LAMA4: variants seen among roughly 807,000 people sequenced by gnomAD.
LAMA4 encodes laminin subunit alpha-4.
In LAMA4, 127 loss-of-function variants were observed where a neutral mutation model predicts 207.1. That is an observed-to-expected ratio of 0.61 (90% CI 0.53 to 0.71). The LOEUF (loss-of-function observed/expected upper bound fraction) is 0.71, where lower values mean the gene tolerates loss of function less well. Among genes scored for constraint, LAMA4 ranks in the 30% least tolerant of loss-of-function variants. The probability of loss-of-function intolerance (pLI) is 0.00; values close to 1 mark genes in which losing one functional copy is unlikely to be tolerated. For synonymous variants in LAMA4, 761 were observed against 816.0 expected (o/e 0.93, Z 1.15); for missense variants, 2,093 against 2,246.5 (o/e 0.93, Z 1.38).
chr6:112,187,656 C>A, intron 7 of LAMA4, 55 bp from the exon 8 acceptor site: 1 of 1,558,308 alleles, frequency 6.4e-7, no homozygotes, highest in Admixed American at 1.8e-5. Context: ...TAAAGGCAGG[C>A]CGTTTTAGCA....
chr6:112,158,555 A>G (rs1554337513), intron 14 of LAMA4, among the ~76,000 whole-genome samples, 177 bp downstream of exon 14: 1 of 151,822 alleles, frequency 6.6e-6, no homozygotes, highest in African/African-American at 2.4e-5. Context: ...CAACCAACCA[A>G]CCAACCAACC....
At chr6:112,216,130 G>C (rs1247886728) in intron 3 of LAMA4, among the ~76,000 whole-genome samples, 5 of 152,244 alleles carry the variant, frequency 3.3e-5, no homozygotes, top group African/African-American at 7.2e-5. Flanking sequence ...CAGCTGCTGA[G>C]GGTGGTGGGG....
Position 112,115,402 on chromosome 6 carries a change from A to C in LAMA4, c.5112+461T>G, listed in dbSNP as rs144589730. Reference sequence around the variant, plus strand: ...CATGAATATTCTTTAGTAGTATCTTAGGATGAAAGTGGCATTACAACATAA... The same window carrying C: ...CATGAATATTCTTTAGTAGTATCTTCGGATGAAAGTGGCATTACAACATAA... On this transcript the variant is annotated intron_variant, in intron 36 of 38. Transcript: ENST00000230538. Among the ~76,000 whole-genome samples the C allele has an allele frequency of 3.1e-3, 467 of 152,314 alleles. 2 individuals are homozygous for C. Among genetic ancestry groups the C allele is most frequent in the African/African-American group, 0.011 (444 of 41,582 alleles).
intron 14 of LAMA4, among the ~76,000 whole-genome samples, chr6:112,156,466 G>A (rs1554336983): frequency 1.3e-5 from 2 of 152,058 alleles, no homozygotes; most frequent in Admixed American, 6.5e-5. Flanking sequence ...TCCTGAATTG[G>A]GATTTTAAAA....
In LAMA4 at chr6:112,117,701, C is replaced by A. The variant is rs200541645; in HGVS notation, c.4981+38G>T. 2.0e-5 allele frequency: 32 copies of A among 1,582,322 alleles called. No individual in the cohort carries two copies. The East Asian group carries it at 7.3e-4, about 36-fold the overall frequency. On this transcript the variant is annotated intron_variant, in intron 35 of 38. Transcript: ENST00000230538. The surrounding 1 kb of genome is among the most constrained non-coding windows in gnomAD (Gnocchi z 4.5). ...CCTGTTAGCCATCTCCAGGAAGAAG[C>A]ATTTCATGACTCATATTTTTAACAT...
rs1554329631 is a variant in LAMA4 at position 112,131,088 on chromosome 6, G to A, written c.3848C>T (p.Ser1283Phe). The change falls in exon 29 of 39, where the codon TCC (serine) becomes TTC (phenylalanine). Residue 1283 changes from serine to phenylalanine, a missense_variant. Coordinates refer to ENST00000230538, the MANE Select transcript of LAMA4 (RefSeq NM_001105206.3). ...FYYASGSDVF[S>F]ISLDNGTVIM... is the part of the protein sequence containing the mutation. ...GACAGTACCATTATCCAGTGAGATG[G>A]AGAACACGTCTGACTGAAATGCAAG... 6.2e-7 allele frequency: 1 copy of A among 1,612,896 alleles called. No individual in the cohort carries two copies. Among genetic ancestry groups the A allele is most frequent in the African/African-American group, 1.3e-5 (1 of 74,862 alleles).
chr6:112,238,993 T>C (rs1389787295), intron 2 of LAMA4, among the ~76,000 whole-genome samples: 1 of 152,134 alleles, frequency 6.6e-6, no homozygotes, highest in Non-Finnish European at 1.5e-5. Context: ...TATTTGGAGA[T>C]AGTGCCTATA....
At chr6:112,208,149 G>A (rs911105465) in intron 3 of LAMA4, among the ~76,000 whole-genome samples, 2 of 151,514 alleles carry the variant, frequency 1.3e-5, no homozygotes, top group African/African-American at 4.9e-5. Flanking sequence ...GTTGAATTGG[G>A]GTTGCAGTGA....
chr6:112,118,725 G>GTC lies in LAMA4; in HGVS notation c.4821+430_4821+431insGA, dbSNP rs1348223464. 3.3e-5 allele frequency among the ~76,000 whole-genome samples: 5 copies of GTC among 150,178 alleles called. No individual in the cohort carries two copies. The highest frequency in any genetic ancestry group is 7.4e-5 in the Non-Finnish European group (5 of 67,486). On this transcript the variant is annotated intron_variant, in intron 34 of 38. Coordinates refer to ENST00000230538, the MANE Select transcript of LAMA4 (RefSeq NM_001105206.3). The surrounding 1 kb of genome is among the most constrained non-coding windows in gnomAD (Gnocchi z 4.6). Reference sequence around the variant, plus strand: ...AAATTGTGTGTGTGTGTGTGTATGTGTGTGTGTGTGTGTGTGTGTGTAAGA... The same window carrying GTC: ...AAATTGTGTGTGTGTGTGTGTATGTGTCTGTGTGTGTGTGTGTGTGTGTAAGA...
At chr6:112,227,559 G>T (rs1554362938) in intron 2 of LAMA4, among the ~76,000 whole-genome samples, 1 of 152,188 alleles carries the variant, frequency 6.6e-6, no homozygotes, top group Non-Finnish European at 1.5e-5. Context: ...TCTCTAGGAA[G>T]TGACTAATGT....
chr6:112,142,390 C>G, intron 19 of LAMA4, 98 bp from the exon 20 acceptor site: 3 of 1,048,780 alleles, frequency 2.9e-6, no homozygotes, highest in Non-Finnish European at 4.5e-6. Context: ...TATAAACTCT[C>G]TTCACCTCCA....
At chr6:112,158,510 G>T (rs1489859914) in intron 14 of LAMA4, among the ~76,000 whole-genome samples, 3 of 151,722 alleles carry the variant, frequency 2.0e-5, no homozygotes, top group Non-Finnish European at 4.4e-5. Flanking sequence ...CCAAACAATT[G>T]CAATGAACAA....
rs3833961 is a variant in LAMA4 at position 112,158,540 on chromosome 6, A to ACAAC, written c.1817+188_1817+191dup. 0.27 allele frequency among the ~76,000 whole-genome samples: 40,625 copies of ACAAC among 151,410 alleles called. 5,495 individuals are homozygous for ACAAC. Among genetic ancestry groups the ACAAC allele is most frequent in the East Asian group, 0.33 (1,706 of 5,124 alleles). On this transcript the variant is annotated intron_variant, in intron 14 of 38. Coordinates refer to ENST00000230538, the MANE Select transcript of LAMA4 (RefSeq NM_001105206.3). ...GAACAATGATGGACTCTCAGATGGAACAACCAACCAACCAACCAACCAACC... is the reference window on the plus strand; with the variant it reads ...GAACAATGATGGACTCTCAGATGGAACAACCAACCAACCAACCAACCAACCAACC...
chr6:112,231,355 T>C (rs1160712427), intron 2 of LAMA4, among the ~76,000 whole-genome samples: 4 of 152,194 alleles, frequency 2.6e-5, no homozygotes, highest in Non-Finnish European at 5.9e-5. Context: ...TGAGTCCATA[T>C]GGACACCCAG....
At chr6:112,175,685 C>A (rs185225209) in intron 10 of LAMA4, among the ~76,000 whole-genome samples, 5 of 152,198 alleles carry the variant, frequency 3.3e-5, no homozygotes, top group Admixed American at 3.3e-4. Context: ...GAGAAAGACA[C>A]GAGGAAACCA....
chr6:112,114,873 G>T, intron 36 of LAMA4, 117 bp from the exon 37 acceptor site: 1 of 789,240 alleles, frequency 1.3e-6, no homozygotes, highest in Non-Finnish European at 2.2e-6. Context: ...CACATGATTA[G>T]CTTTGCAATT....
rs782578024 is a variant in LAMA4, at chr6:112,148,508, G to A, written c.2174-172C>T. On this transcript the variant is annotated intron_variant, in intron 17 of 38. Transcript: ENST00000230538. ...CACCGAAAACATTTCCAAATTAAGA[G>A]GTAAATTTAAAAAGAAGAGTAATTG... Among the ~76,000 whole-genome samples, 9 of 152,206 alleles carry A rather than the reference G, an allele frequency of 5.9e-5. 1 individual carries two copies. In the South Asian group the frequency reaches 1.0e-3, roughly 18 times the overall value.
At chr6:112,162,599 G>A (rs535869513) in intron 13 of LAMA4, among the ~76,000 whole-genome samples, 3 of 152,266 alleles carry the variant, frequency 2.0e-5, no homozygotes, top group African/African-American at 7.2e-5. Context: ...CAATTGGGTT[G>A]TGCCATTTAT....
chr6:112,250,400 T>C (rs1787354965), intron 2 of LAMA4, among the ~76,000 whole-genome samples: 1 of 152,248 alleles, frequency 6.6e-6, no homozygotes, highest in Non-Finnish European at 1.5e-5. Flanking sequence ...AGAGTTAGTC[T>C]GCTTTATAGA....
Sources: allele counts gnomAD v4.1 joint callset (sites outside exome capture counted in the v4.1 genomes callset), GRCh38; gene constraint gnomAD v4.1.1; non-coding constraint Gnocchi (gnomAD v3.1); transcripts MANE v1.5; gene names NCBI Gene and HGNC (gene_info 2026-07-23, HGNC 2026-07-21).